RYR3: variants seen among roughly 807,000 people sequenced by gnomAD.
RYR3 encodes ryanodine receptor 3.
RYR3 carries 207 observed loss-of-function variants against 584.3 expected under a neutral mutation model. That is an observed-to-expected ratio of 0.35 (90% CI 0.32 to 0.40). The LOEUF is 0.40. Among genes scored for constraint, RYR3 ranks in the 10% least tolerant of loss-of-function variants. The pLI is 1.00. For missense variants in RYR3, 5,616 were observed against 6,089.2 expected (o/e 0.92, Z 2.59); for synonymous variants, 2,416 against 2,248.5 (o/e 1.07, Z -2.11).
At position 33,724,157 on chromosome 15, in the gene RYR3, G is replaced by T; in HGVS notation, c.6893G>T (p.Arg2298Leu). ...TCGGCCCTTATAGATCTACTGGGCC[G>T]CTGTGCTCCTGAAATGCACGTAAGT... ...FYSALIDLLG[R>L]CAPEMHLIQT... Residue 2298 changes from arginine (R) to leucine (L), a missense_variant, in exon 45 of 104, where the codon CGC becomes CTC. By Grantham distance (102) the Arg-to-Leu change is moderately radical (BLOSUM62 -2). Around this residue, in one of 9 missense-constraint regions of RYR3, gnomAD observed 1,280 missense variants for 1,426.2 expected, o/e 0.90. Coordinates refer to ENST00000634891, the MANE Select transcript of RYR3 (RefSeq NM_001036.6). The T allele has an allele frequency of 6.2e-7, 1 of 1,605,084 alleles. No homozygotes were observed. The highest frequency in any genetic ancestry group is 8.5e-7 in the Non-Finnish European group (1 of 1,172,738).
intron 14 of RYR3, among the ~76,000 whole-genome samples, chr15:33,583,516 C>G (rs1192082793): frequency 6.6e-6 from 1 of 152,170 alleles, no homozygotes; most frequent in Non-Finnish European, 1.5e-5. Context: ...CAGGGAATCT[C>G]CCTCCCTTTC....
rs115526485 is a variant in RYR3, at chr15:33,702,093, G to A, written c.6483+1013G>A. 2.4e-3 allele frequency among the ~76,000 whole-genome samples: 371 copies of A among 152,186 alleles called. 2 individuals are homozygous for A. Among genetic ancestry groups the A allele is most frequent in the African/African-American group, 8.6e-3 (356 of 41,528 alleles). ...CCTTTCATTGTTGCCTGCCAGTTACGGGCAAGGAAGTGGAGGCATAAAGAG... is the reference window on the plus strand; with the variant it reads ...CCTTTCATTGTTGCCTGCCAGTTACAGGCAAGGAAGTGGAGGCATAAAGAG... On this transcript the variant is annotated intron_variant, in intron 42 of 103. Coordinates refer to ENST00000634891, the MANE Select transcript of RYR3 (RefSeq NM_001036.6).
chr15:33,336,440 A>AAGAG (rs1204873404), intron 1 of RYR3, among the ~76,000 whole-genome samples: 305 of 12,108 alleles, frequency 0.025, 28 homozygotes, highest in East Asian at 0.033. Flanking sequence ...GAAAGAAAGA[A>AAGAG]AGAGAGAGAG....
At chr15:33,452,768 A>G (rs980871342) in intron 1 of RYR3, among the ~76,000 whole-genome samples, 1 of 152,250 alleles carries the variant, frequency 6.6e-6, no homozygotes, top group Non-Finnish European at 1.5e-5. Context: ...CAACCCAAAC[A>G]GTCTGATTTC....
chr15:33,775,440 C>G (rs138446766), intron 64 of RYR3, among the ~76,000 whole-genome samples: 1 of 152,126 alleles, frequency 6.6e-6, no homozygotes. Context: ...AACTCTTTCT[C>G]CCTAAATCAG....
chr15:33,603,116 C>A lies in RYR3; in HGVS notation c.1923-7C>A, dbSNP rs2059752610. 6.2e-7 allele frequency: 1 copy of A among 1,612,802 alleles called. No homozygotes were observed. The highest frequency in any genetic ancestry group is 1.3e-5 in the African/African-American group (1 of 74,856). ...TGTAGATGCCACTTGCCCATGTTTA[C>A]TTTCAGTATCCGGCCAAACATCTTC... On this transcript the variant is annotated splice_polypyrimidine_tract_variant and splice_region_variant and intron_variant, in intron 17 of 103. Coordinates refer to ENST00000634891, the MANE Select transcript of RYR3 (RefSeq NM_001036.6).
chr15:33,630,431 C>T (rs1006741659), intron 22 of RYR3, among the ~76,000 whole-genome samples: 22 of 152,188 alleles, frequency 1.4e-4, no homozygotes, highest in African/African-American at 5.1e-4. Flanking sequence ...GTGATGCTAC[C>T]CATGGGCCTA....
chr15:33,843,034 G>T (rs958396906), intron 91 of RYR3, among the ~76,000 whole-genome samples: 4 of 152,020 alleles, frequency 2.6e-5, no homozygotes, highest in African/African-American at 9.7e-5. Flanking sequence ...AGAATGCCAG[G>T]GTTGGCCGGG....
chr15:33,859,775 G>C, intron 100 of RYR3, 44 bp downstream of exon 100: 5 of 1,550,734 alleles, frequency 3.2e-6, no homozygotes, highest in Non-Finnish European at 4.4e-6. Flanking sequence ...GTTTAATCTA[G>C]TTCTTTTTGC....
chr15:33,663,043 T>C (rs1021820628), intron 35 of RYR3, 95 bp downstream of exon 35: 1 of 1,145,940 alleles, frequency 8.7e-7, no homozygotes, highest in Admixed American at 2.0e-5. Context: ...AGGTAAGGTA[T>C]GTCAAGTGCT....
intron 48 of RYR3, among the ~76,000 whole-genome samples, chr15:33,734,914 C>T (rs1194148158): frequency 1.3e-5 from 2 of 152,166 alleles, no homozygotes; most frequent in East Asian, 3.9e-4. Context: ...TGGTCTCGAA[C>T]TCCTGACCTC....
At chr15:33,834,439 G>A (rs928129400) in intron 86 of RYR3, among the ~76,000 whole-genome samples, 5 of 151,562 alleles carry the variant, frequency 3.3e-5, no homozygotes, top group African/African-American at 7.3e-5. Context: ...AATCCTAGAC[G>A]TGGTTGAATG....
intron 33 of RYR3, 27 bp downstream of exon 33, chr15:33,659,833 G>A: frequency 6.9e-7 from 1 of 1,453,202 alleles, no homozygotes. Context: ...TCATCTAATG[G>A]CCATGACAAG....
In RYR3 at chr15:33,403,335, G is replaced by A. The variant is rs140906046; in HGVS notation, c.52-70084G>A. Among the ~76,000 whole-genome samples, 100 of 152,254 alleles carry A rather than the reference G, an allele frequency of 6.6e-4. 1 individual carries two copies. The East Asian group carries it at 8.1e-3, about 12-fold the overall frequency. On this transcript the variant is annotated intron_variant, in intron 1 of 103. Coordinates refer to ENST00000634891, the MANE Select transcript of RYR3 (RefSeq NM_001036.6). Reference sequence around the variant, plus strand: ...ACAAAATAATTGGGCTTTGTGAAGCGGAGCAAATCTAGACTCCAAATGATA... The same window carrying A: ...ACAAAATAATTGGGCTTTGTGAAGCAGAGCAAATCTAGACTCCAAATGATA...
At position 33,865,899 on chromosome 15, in the gene RYR3, C is replaced by T. The variant is rs1217978615; in HGVS notation, c.*673C>T. On this transcript the variant is annotated 3_prime_UTR_variant, in exon 104 of 104. Transcript: ENST00000634891. ...AAACTGCACTTGAAGGTTATTCATACAAGTTTTTTTAGTAACAGCTGTCAG... is the reference window on the plus strand; with the variant it reads ...AAACTGCACTTGAAGGTTATTCATATAAGTTTTTTTAGTAACAGCTGTCAG... The T allele has an allele frequency of 6.6e-6, 1 of 152,206 alleles. No homozygotes were observed. Among genetic ancestry groups the T allele is most frequent in the Non-Finnish European group, 1.5e-5 (1 of 67,818 alleles). 9.4% of individuals were successfully genotyped at this position (152,206 alleles called of 1,614,324 possible).
intron 1 of RYR3, among the ~76,000 whole-genome samples, chr15:33,325,895 G>A (rs1019017784): frequency 3.3e-5 from 5 of 151,876 alleles, no homozygotes; most frequent in South Asian, 2.1e-4. Flanking sequence ...TCCATCTCTC[G>A]ATCTCAAGCA....
chr15:33,483,720 A>G (rs1464715507), intron 2 of RYR3, among the ~76,000 whole-genome samples: 1 of 152,224 alleles, frequency 6.6e-6, no homozygotes, highest in African/African-American at 2.4e-5. Context: ...ATGCTGTCTT[A>G]TATAGCTTAT....
chr15:33,440,366 A>G (rs1397208482), intron 1 of RYR3, among the ~76,000 whole-genome samples: 1 of 152,204 alleles, frequency 6.6e-6, no homozygotes, highest in African/African-American at 2.4e-5. Context: ...GCACTTGAGA[A>G]CCACATCTTT....
In RYR3 at chr15:33,838,726, A is replaced by T. The variant is rs2078184707; in HGVS notation, c.12746A>T (p.Glu4249Val). The part of the protein sequence containing the change: ...TQFGIHDDTM[E>V]AERAEVMEPG... The stretch of plus-strand genomic sequence containing the variant: ...TTTGGTATCCATGATGACACTATGG[A>T]GGCTGAGAGGGCAGAGGTGATGGAG... The change falls in exon 89 of 104, where the codon GAG becomes GTG. Residue 4249 changes from glutamate (E) to valine (V), a missense_variant. Coordinates refer to ENST00000634891, the MANE Select transcript of RYR3 (RefSeq NM_001036.6). The T allele has an allele frequency of 1.9e-6, 3 of 1,613,830 alleles. No homozygotes were observed. The South Asian group carries it at 3.3e-5, about 18-fold the overall frequency.
Sources: allele counts gnomAD v4.1 joint callset (sites outside exome capture counted in the v4.1 genomes callset), GRCh38; gene constraint gnomAD v4.1.1; regional missense constraint gnomAD v4.1.1; transcripts MANE v1.5; gene names NCBI Gene and HGNC (gene_info 2026-07-23, HGNC 2026-07-21).